RERG: variants seen among roughly 807,000 people sequenced by gnomAD.
RERG encodes the protein RAS like estrogen regulated growth inhibitor.
Under a neutral mutation model 23.2 loss-of-function variants are expected in RERG, and 25 were observed. That is an observed-to-expected ratio of 1.08 (90% CI 0.79 to 1.50). The LOEUF is 1.50. Among genes scored for constraint, RERG ranks in the 40% most tolerant of loss-of-function variants. RERG has a pLI of 0.00. For missense variants in RERG, 253 were observed against 250.1 expected (o/e 1.01, Z -0.08); for synonymous variants, 81 against 89.1 (o/e 0.91, Z 0.51).
At chr12:15,179,413 T>C (rs903392610) in intron 2 of RERG, among the ~76,000 whole-genome samples, 5 of 152,158 alleles carry the variant, frequency 3.3e-5, no homozygotes, top group African/African-American at 1.2e-4. Context: ...CAGAAGTGCA[T>C]TAAGGCTGTT....
chr12:15,204,841 C>T lies in RERG; in HGVS notation c.61+12588G>A, dbSNP rs533915241. The stretch of plus-strand genomic sequence containing the variant: ...TACCAAATTTCACTTTTTAAAAACT[C>T]ATAATGAGCTCTGTCATTTCTTAAA... On this transcript the variant is annotated intron_variant, in intron 2 of 4. Transcript: ENST00000256953. Among the ~76,000 whole-genome samples, 5 of 152,002 alleles carry T rather than the reference C, an allele frequency of 3.3e-5. No individual in the cohort carries two copies. In the South Asian group the frequency reaches 1.0e-3, roughly 31 times the overall value.
At chr12:15,191,425 GTATAATC>G (rs1865069371) in intron 2 of RERG, among the ~76,000 whole-genome samples, 1 of 151,996 alleles carries the variant, frequency 6.6e-6, no homozygotes, top group Admixed American at 6.6e-5. Flanking sequence ...CATCCTCCCA[GTATAATC>G]TATTCCTCAT....
chr12:15,112,423 C>G (rs1455891785), intron 3 of RERG: 1 of 152,212 alleles, frequency 6.6e-6, no homozygotes, highest in East Asian at 1.9e-4. Flanking sequence ...GGCAGATGCT[C>G]AGTACCAGCT....
chr12:15,130,348 CA>C (rs1405849689), intron 2 of RERG, among the ~76,000 whole-genome samples: 1 of 152,136 alleles, frequency 6.6e-6, no homozygotes, highest in East Asian at 1.9e-4. Context: ...ATTCTATTTT[CA>C]GATTCATCTC....
rs1473620118 is a variant in RERG at position 15,107,918 on chromosome 12, AATAC to A, written c.*1188_*1191del. On this transcript the variant is annotated 3_prime_UTR_variant, in exon 5 of 5. Transcript: ENST00000256953. ...TTATACATATATCTATGCATTTATAAATACATACATATGTAAAAGATATATATTT... is the reference window on the plus strand; with the variant it reads ...TTATACATATATCTATGCATTTATAAATACATATGTAAAAGATATATATTT... The A allele has an allele frequency of 2.0e-5, 3 of 152,622 alleles. No individual in the cohort carries two copies. The highest frequency in any genetic ancestry group is 7.2e-5 in the African/African-American group (3 of 41,470). The allele number at this position is 152,622 out of a possible 1,614,324, so 9.5% of individuals were successfully genotyped here.
intron 2 of RERG, among the ~76,000 whole-genome samples, chr12:15,126,299 A>AT (rs1863941682): frequency 1.3e-5 from 2 of 151,878 alleles, no homozygotes; most frequent in South Asian, 4.1e-4. Context: ...AAAATCTGAT[A>AT]TTTTAGACAT....
intron 2 of RERG, among the ~76,000 whole-genome samples, chr12:15,145,701 G>T (rs1174432555): frequency 6.6e-6 from 1 of 152,212 alleles, no homozygotes; most frequent in South Asian, 2.1e-4. Flanking sequence ...AGTGCTAGGC[G>T]TAAGCCCTTG....
At chr12:15,117,481 G>A (rs1002812349) in intron 3 of RERG, among the ~76,000 whole-genome samples, 38 of 152,224 alleles carry the variant, frequency 2.5e-4, no homozygotes, top group African/African-American at 8.9e-4. Context: ...AGCAGCAGGA[G>A]TTGTAAGGCA....
At chr12:15,169,109 AATG>A (rs1864737047) in intron 2 of RERG, among the ~76,000 whole-genome samples, 1 of 152,224 alleles carries the variant, frequency 6.6e-6, no homozygotes, top group South Asian at 2.1e-4. Flanking sequence ...CAGTGAAATG[AATG>A]ATAAGTGCAA....
chr12:15,165,262 C>T (rs751858234), intron 2 of RERG, among the ~76,000 whole-genome samples: 3 of 152,064 alleles, frequency 2.0e-5, no homozygotes, highest in African/African-American at 4.8e-5. Context: ...AAACTGTCTC[C>T]GTACAACTAA....
chr12:15,212,034 C>T (rs1287627043), intron 2 of RERG, among the ~76,000 whole-genome samples: 6 of 113,258 alleles, frequency 5.3e-5, no homozygotes, highest in Non-Finnish European at 4.0e-5. Context: ...ATTAGAGCCA[C>T]GAATAAACTT....
chr12:15,216,769 TCACTTC>T, intron 2 of RERG, among the ~76,000 whole-genome samples: 1 of 152,266 alleles, frequency 6.6e-6, no homozygotes, highest in East Asian at 1.9e-4. Context: ...GGTACATTTT[TCACTTC>T]CACCATTTCA....
At chr12:15,190,472 A>G (rs1170490025) in intron 2 of RERG, among the ~76,000 whole-genome samples, 4 of 152,162 alleles carry the variant, frequency 2.6e-5, no homozygotes, top group Non-Finnish European at 5.9e-5. Flanking sequence ...AGACACCCCA[A>G]AGCAAATGTC....
intron 2 of RERG, among the ~76,000 whole-genome samples, chr12:15,176,117 A>T (rs369522911): frequency 6.6e-6 from 1 of 152,204 alleles, no homozygotes; most frequent in Non-Finnish European, 1.5e-5. Context: ...AGGGCAAATT[A>T]TAGAGGTAGA....
At chr12:15,177,835 G>A (rs1485863275) in intron 2 of RERG, among the ~76,000 whole-genome samples, 1 of 99,324 alleles carries the variant, frequency 1.0e-5, no homozygotes, top group Admixed American at 1.0e-4. Context: ...GGCTCCCTCT[G>A]TTTGTTTTTT....
At chr12:15,160,215 G>T (rs1864583838) in intron 2 of RERG, among the ~76,000 whole-genome samples, 1 of 151,622 alleles carries the variant, frequency 6.6e-6, no homozygotes, top group African/African-American at 2.4e-5. Flanking sequence ...TCTTGATATT[G>T]TACTGAAAAC....
intron 3 of RERG, among the ~76,000 whole-genome samples, chr12:15,113,818 AT>A (rs1163284141): frequency 2.6e-5 from 4 of 152,046 alleles, no homozygotes; most frequent in African/African-American, 9.7e-5. Flanking sequence ...TCAATCTAGA[AT>A]TTAATGCAAT....
At chr12:15,212,360 C>G (rs977782449) in intron 2 of RERG, among the ~76,000 whole-genome samples, 2 of 151,746 alleles carry the variant, frequency 1.3e-5, no homozygotes, top group South Asian at 4.2e-4. Flanking sequence ...CGCCCGGCCA[C>G]GAATAAACTT....
chr12:15,150,345 T>C (rs2136107108), intron 2 of RERG, among the ~76,000 whole-genome samples: 1 of 152,288 alleles, frequency 6.6e-6, no homozygotes, highest in African/African-American at 2.4e-5. Flanking sequence ...GCTGAAACTT[T>C]ATAGACCGTC....
Sources: allele counts gnomAD v4.1 joint callset (sites outside exome capture counted in the v4.1 genomes callset), GRCh38; gene constraint gnomAD v4.1.1; transcripts MANE v1.5; gene names NCBI Gene and HGNC (gene_info 2026-07-23, HGNC 2026-07-21).